Variants in RYR1 observed in about 807,000 individuals in gnomAD.
RYR1 encodes the protein central core disease of muscle.
A neutral mutation model predicts 583.5 loss-of-function variants in RYR1; 342 were observed. The observed-to-expected ratio is 0.59, with a 90% CI of 0.54 to 0.64. RYR1 has a LOEUF of 0.64. Ranked by LOEUF, RYR1 falls within the 30% of genes least tolerant of loss-of-function variation. RYR1 has a pLI of 0.00. For synonymous variants in RYR1, 2,791 were observed against 2,822.5 expected (o/e 0.99, Z 0.35); for missense variants, 6,032 against 6,917.2 (o/e 0.87, Z 4.54).
intron 100 of RYR1, 63 bp from the exon 101 acceptor site, chr19:38,580,307 A>T: frequency 1.6e-6 from 2 of 1,252,346 alleles, no homozygotes; most frequent in Non-Finnish European, 2.3e-6. Context: ...AGGACCCAGC[A>T]TGGGCAGGGT....
rs745572367 is a variant in RYR1 at position 38,473,479 on chromosome 19, C to G, written c.3868C>G (p.Leu1290Val). Residue 1290 changes from leucine to valine, a missense_variant, in exon 28 of 106, where the codon CTG (leucine) becomes GTG (valine). Physicochemically the swap from Leu to Val is conservative, Grantham distance 32 (BLOSUM62 1). Coordinates refer to ENST00000359596, the MANE Select transcript of RYR1 (RefSeq NM_000540.3). The stretch of plus-strand genomic sequence containing the variant: ...CCTGGTGGAGATGCTTTTCCTGCGG[C>G]TGAGCCTCCCAGTCCAGTTCCACCA... The part of the protein sequence containing the change: ...NSLVEMLFLR[L>V]SLPVQFHQHF... 6.2e-7 allele frequency: 1 copy of G among 1,613,840 alleles called. No individual in the cohort carries two copies. The highest frequency in any genetic ancestry group is 1.1e-5 in the South Asian group (1 of 91,084).
intron 101 of RYR1, 79 bp downstream of exon 101, chr19:38,580,583 G>A (rs925069629): frequency 7.0e-6 from 11 of 1,574,122 alleles, no homozygotes; most frequent in Non-Finnish European, 8.7e-6. Flanking sequence ...CTCCAGGCCG[G>A]GCGTGGTGCC....
rs756516424 is a variant in RYR1 at position 38,499,271 on chromosome 19, G to A, written c.7027+28G>A. 21 of 1,613,916 alleles carry A rather than the reference G, an allele frequency of 1.3e-5. No individual in the cohort carries two copies. The highest frequency in any genetic ancestry group is 8.0e-5 in the African/African-American group (6 of 74,914). On this transcript the variant is annotated intron_variant, in intron 43 of 105. Coordinates refer to ENST00000359596, the MANE Select transcript of RYR1 (RefSeq NM_000540.3). This position sits in a 1 kb window ranked among gnomAD's most constrained non-coding sequence, Gnocchi z 7.3. The stretch of plus-strand genomic sequence containing the variant: ...GAGGAGGGGGTGGCAGTGGCAGAGC[G>A]GGAAGTATGGAGTCACTGGTCACAC...
Position 38,561,506 on chromosome 19 carries a change from G to A in RYR1, c.12624+52G>A, listed in dbSNP as rs1051860444. ...TCGCCTCCTGGGGCTTCGGGCATGC[G>A]GGTGCTCACTTCCTGCACCCTCAGA... On this transcript the variant is annotated intron_variant, in intron 90 of 105. Coordinates refer to ENST00000359596, the MANE Select transcript of RYR1 (RefSeq NM_000540.3). The surrounding 1 kb of genome is among the most constrained non-coding windows in gnomAD (Gnocchi z 4.8). 6.5e-7 allele frequency: 1 copy of A among 1,540,626 alleles called. No homozygotes were observed. Among genetic ancestry groups the A allele is most frequent in the East Asian group, 2.3e-5 (1 of 44,156 alleles).
At position 38,448,636 on chromosome 19, in the gene RYR1, C is replaced by T. The variant is rs1218067547; in HGVS notation, c.958-13C>T. ...AGGCAGAGGAGGCTGACCTGTGTCC[C>T]CTGCCCCTGTAGGAGAAGCTGGATG... is the stretch of plus-strand genomic sequence containing the variant. On this transcript the variant is annotated splice_polypyrimidine_tract_variant and intron_variant, in intron 10 of 105. Coordinates refer to ENST00000359596, the MANE Select transcript of RYR1 (RefSeq NM_000540.3). 1.9e-6 allele frequency: 3 copies of T among 1,614,056 alleles called. No individual in the cohort carries two copies. In the South Asian group the frequency reaches 3.3e-5, roughly 18 times the overall value.
Position 38,570,593 on chromosome 19 carries a change from C to G in RYR1, c.13660-14C>G. The G allele has an allele frequency of 6.2e-7, 1 of 1,607,966 alleles. No homozygotes were observed. The highest frequency in any genetic ancestry group is 8.5e-7 in the Non-Finnish European group (1 of 1,174,442). On this transcript the variant is annotated splice_polypyrimidine_tract_variant and intron_variant, in intron 93 of 105. Coordinates refer to ENST00000359596, the MANE Select transcript of RYR1 (RefSeq NM_000540.3). ...ATCTGTGAGCGCTTTCTCTCTTTTT[C>G]TCTTCTCTCTCAGAACTACCTGTCC...
At chr19:38,575,802 C>CA (rs1157081357) in intron 96 of RYR1, 117 bp from the exon 97 acceptor site, 970 of 1,096,328 alleles carry the variant, frequency 8.8e-4, no homozygotes, top group Non-Finnish European at 1.1e-3. Flanking sequence ...GACTCCATCT[C>CA]AAAAAAAAAG....
intron 16 of RYR1, among the ~76,000 whole-genome samples, chr19:38,456,189 A>G (rs1014003153): frequency 1.4e-5 from 2 of 140,382 alleles, no homozygotes; most frequent in South Asian, 2.3e-4. Flanking sequence ...GTTGGCCAGG[A>G]TGGTCTCGAT....
chr19:38,527,322 C>T (rs1971508919), intron 72 of RYR1, among the ~76,000 whole-genome samples: 1 of 152,196 alleles, frequency 6.6e-6, no homozygotes, highest in African/African-American at 2.4e-5. Flanking sequence ...ACCAGCCTGG[C>T]CAACGTGGTG....
rs1410212291 is a variant in RYR1 at position 38,565,112 on chromosome 19, G to A, written c.12778G>A (p.Asp4260Asn). The change falls in exon 91 of 106, where the codon GAC becomes AAC. Residue 4260 changes from aspartate to asparagine, a missense_variant. Physicochemically the swap from Asp to Asn is conservative, Grantham distance 23 (BLOSUM62 1). Around this residue, in one of 11 missense-constraint regions of RYR1, gnomAD observed 753 missense variants for 759.6 expected, o/e 0.99. Coordinates refer to ENST00000359596, the MANE Select transcript of RYR1 (RefSeq NM_000540.3). The surrounding 1 kb of genome is among the most constrained non-coding windows in gnomAD (Gnocchi z 4.7). Reference protein sequence around the residue: ...ISEPEGEPETDEDEGAGAAEA... With the variant: ...ISEPEGEPETNEDEGAGAAEA... ...GGAGCCCGAGGGCGAGCCGGAGACCGACGAGGACGAGGGCGCGGGCGCGGC... is the reference window on the plus strand; with the variant it reads ...GGAGCCCGAGGGCGAGCCGGAGACCAACGAGGACGAGGGCGCGGGCGCGGC... 2 of 1,541,550 alleles carry A rather than the reference G, an allele frequency of 1.3e-6. No homozygotes were observed. The highest frequency in any genetic ancestry group is 2.0e-5 in the Admixed American group (1 of 51,162).
At chr19:38,492,732 G>A (rs1969612600) in intron 38 of RYR1, 96 bp downstream of exon 38, 2 of 1,306,532 alleles carry the variant, frequency 1.5e-6, no homozygotes, top group South Asian at 1.3e-5. Context: ...GAGGACAGAT[G>A]CAAGGGAGGG....
intron 8 of RYR1, 52 bp from the exon 9 acceptor site, chr19:38,446,642 A>G (rs1050734059): frequency 6.3e-7 from 1 of 1,599,902 alleles, no homozygotes; most frequent in African/African-American, 1.3e-5. Context: ...AGGATTAGGG[A>G]CCAGATTCCG....
intron 64 of RYR1, 120 bp downstream of exon 64, chr19:38,515,227 C>A: frequency 4.9e-6 from 4 of 821,766 alleles, no homozygotes; most frequent in South Asian, 3.0e-5. Flanking sequence ...CCGCACACGG[C>A]GGCAGCCGCG....
Position 38,500,241 on chromosome 19 carries a change from G to A in RYR1, c.7323+225G>A, listed in dbSNP as rs1413824073. On this transcript the variant is annotated intron_variant, in intron 45 of 105. Transcript: ENST00000359596. The surrounding 1 kb of genome is among the most constrained non-coding windows in gnomAD (Gnocchi z 5.9). Reference sequence around the variant, plus strand: ...AGTGACACCCAGAGTGGTCAGGGCTGGGATGGGGGAGCACAGGAAGAGGGG... The same window carrying A: ...AGTGACACCCAGAGTGGTCAGGGCTAGGATGGGGGAGCACAGGAAGAGGGG... Among the ~76,000 whole-genome samples the A allele has an allele frequency of 6.6e-6, 1 of 151,994 alleles. No individual in the cohort carries two copies. Among genetic ancestry groups the A allele is most frequent in the Non-Finnish European group, 1.5e-5 (1 of 67,992 alleles).
intron 89 of RYR1, among the ~76,000 whole-genome samples, chr19:38,555,469 A>ATG (rs1237080479): frequency 4.0e-5 from 6 of 150,786 alleles, no homozygotes; most frequent in African/African-American, 1.2e-4. Context: ...AAAAAAATGC[A>ATG]TGTGTGTGTG....
In RYR1 at chr19:38,555,913, G is replaced by T. The variant is rs920879178; in HGVS notation, c.12283-5200G>T. On this transcript the variant is annotated intron_variant, in intron 89 of 105. Coordinates refer to ENST00000359596, the MANE Select transcript of RYR1 (RefSeq NM_000540.3). ...GGGTCTCACTCTGTTGTCCAGGCTG[G>T]AGTGCAGTGGGGCAATCTCAGCTCA... Among the ~76,000 whole-genome samples the T allele has an allele frequency of 2.4e-4, 37 of 152,114 alleles. 1 individual carries two copies. The highest frequency in any genetic ancestry group is 3.1e-4 in the Non-Finnish European group (21 of 67,998).
At chr19:38,488,004 T>G (rs543103491) in intron 34 of RYR1, among the ~76,000 whole-genome samples, 3 of 152,290 alleles carry the variant, frequency 2.0e-5, no homozygotes, top group African/African-American at 7.2e-5. Flanking sequence ...CAGGCTAGAA[T>G]GCAGTGGTAT....
chr19:38,508,423 A>G (rs1274559147), intron 58 of RYR1, among the ~76,000 whole-genome samples: 1 of 152,164 alleles, frequency 6.6e-6, no homozygotes, highest in Non-Finnish European at 1.5e-5. Context: ...CATGTTGGCC[A>G]GGATGGTCTC....
chr19:38,437,316 G>T (rs952306272), intron 1 of RYR1, among the ~76,000 whole-genome samples: 1 of 152,092 alleles, frequency 6.6e-6, no homozygotes, highest in Non-Finnish European at 1.5e-5. Context: ...CTCCCAAAGT[G>T]CTGGGATTAC....
Sources: gnomAD v4.1 joint callset for allele counts (sites outside exome capture counted in the v4.1 genomes callset) on GRCh38, gnomAD v4.1.1 for gene constraint, gnomAD v4.1.1 regional missense constraint, Gnocchi (gnomAD v3.1) non-coding constraint, MANE v1.5 for transcripts, NCBI Gene and HGNC (gene_info 2026-07-23, HGNC 2026-07-21) for gene names.